The following STK32A variants were observed in gnomAD, a reference collection of about 807,000 sequenced individuals.
STK32A encodes serine/threonine-protein kinase 32A.
In STK32A, 41 loss-of-function variants were observed where a neutral mutation model predicts 53.2. That is an observed-to-expected ratio of 0.77 (90% CI 0.60 to 1.00). STK32A has a LOEUF of 1.00. Ranked by LOEUF, STK32A falls within the 50% of genes least tolerant of loss-of-function variation. The probability of loss-of-function intolerance (pLI) is 0.00; values close to 1 mark genes in which losing one functional copy is unlikely to be tolerated. For missense variants in STK32A, 458 were observed against 485.8 expected (o/e 0.94, Z 0.54); for synonymous variants, 166 against 162.8 (o/e 1.02, Z -0.15).
At chr5:147,306,269 A>T (rs1753403285) in intron 4 of STK32A, among the ~76,000 whole-genome samples, 1 of 151,378 alleles carries the variant, frequency 6.6e-6, no homozygotes, top group Non-Finnish European at 1.5e-5. Context: ...TGCTTGTTTG[A>T]CTCTTTTAAC....
intron 2 of STK32A, among the ~76,000 whole-genome samples, chr5:147,266,900 G>A (rs1040192394): frequency 2.0e-5 from 3 of 152,158 alleles, no homozygotes; most frequent in African/African-American, 4.8e-5. Context: ...GTGCGTGTCT[G>A]TAATCCCAGC....
chr5:147,271,911 A>T (rs1385564833), intron 2 of STK32A, among the ~76,000 whole-genome samples: 1 of 151,914 alleles, frequency 6.6e-6, no homozygotes, highest in Non-Finnish European at 1.5e-5. Flanking sequence ...TTGCCTTGTG[A>T]TTCTATTACT....
chr5:147,239,647 A>C lies in STK32A; in HGVS notation c.13A>C (p.Thr5Pro). 6.2e-7 allele frequency: 1 copy of C among 1,608,800 alleles called. No individual in the cohort carries two copies. The highest frequency in any genetic ancestry group is 1.1e-5 in the South Asian group (1 of 89,486). The change falls in exon 2 of 13, where the codon ACT becomes CCT. Residue 5 changes from threonine to proline, a missense_variant. By Grantham distance (38) the Thr-to-Pro change is conservative. Transcript: ENST00000397936. The stretch of plus-strand genomic sequence containing the variant: ...GGCAGATTCAACCATGGGAGCGAAC[A>C]CTTCAAGAAAACCACCAGTGTTTGA... MGAN[T>P]SRKPPVFDEN...
chr5:147,241,503 C>A (rs1447813828), intron 2 of STK32A, among the ~76,000 whole-genome samples: 5 of 151,254 alleles, frequency 3.3e-5, no homozygotes, highest in Admixed American at 3.3e-4. Flanking sequence ...AACAAACAAA[C>A]AAAAAAACCC....
chr5:147,384,693 G>C lies in STK32A; in HGVS notation c.*710G>C, dbSNP rs1455040645. The C allele has an allele frequency of 1.3e-5, 5 of 388,642 alleles. No individual in the cohort carries two copies. Among genetic ancestry groups the C allele is most frequent in the African/African-American group, 4.1e-5 (2 of 48,386 alleles). 24.1% of individuals were successfully genotyped at this position (388,642 alleles called of 1,614,324 possible). ...ATTTACACCACGGAAACTGGTAAAT[G>C]CTCGTTTTTTCCCTCCTAACAAGTG... On this transcript the variant is annotated 3_prime_UTR_variant, in exon 13 of 13. Coordinates refer to ENST00000397936, the MANE Select transcript of STK32A (RefSeq NM_001112724.2).
chr5:147,359,944 C>T (rs1756418692), intron 7 of STK32A, among the ~76,000 whole-genome samples: 1 of 152,128 alleles, frequency 6.6e-6, no homozygotes, highest in South Asian at 2.1e-4. Flanking sequence ...CCTGTGTGTG[C>T]AGGACCCATG....
At chr5:147,354,135 T>C (rs1756115573) in intron 7 of STK32A, among the ~76,000 whole-genome samples, 1 of 152,204 alleles carries the variant, frequency 6.6e-6, no homozygotes, top group Admixed American at 6.5e-5. Context: ...GCAAATTTCA[T>C]GGCTTTCAAT....
chr5:147,241,832 G>A (rs1753595115), intron 2 of STK32A, among the ~76,000 whole-genome samples: 1 of 152,132 alleles, frequency 6.6e-6, no homozygotes, highest in Non-Finnish European at 1.5e-5. Context: ...ACATGAGGCT[G>A]GTCGTCAGAG....
At chr5:147,262,893 A>C (rs535873864) in intron 2 of STK32A, among the ~76,000 whole-genome samples, 1 of 152,198 alleles carries the variant, frequency 6.6e-6, no homozygotes, top group East Asian at 1.9e-4. Flanking sequence ...TGGCACTGTC[A>C]CGTGCCTCTA....
At chr5:147,372,267 G>T (rs1169653919) in intron 9 of STK32A, among the ~76,000 whole-genome samples, 1 of 114,990 alleles carries the variant, frequency 8.7e-6, no homozygotes. Flanking sequence ...AATGGGCTTG[G>T]CCTTTTTTTT....
intron 2 of STK32A, among the ~76,000 whole-genome samples, chr5:147,247,667 C>G (rs933381941): frequency 6.6e-6 from 1 of 152,214 alleles, no homozygotes; most frequent in African/African-American, 2.4e-5. Context: ...CTACTCAACT[C>G]TGCCACTGTA....
At chr5:147,380,644 G>A (rs560718354) in intron 11 of STK32A, among the ~76,000 whole-genome samples, 1 of 152,310 alleles carries the variant, frequency 6.6e-6, no homozygotes, top group South Asian at 2.1e-4. Context: ...TGATGAAAAA[G>A]TCATCAATAG....
chr5:147,316,861 A>G (rs1445102235), intron 4 of STK32A, among the ~76,000 whole-genome samples: 16 of 38,826 alleles, frequency 4.1e-4, no homozygotes, highest in African/African-American at 1.2e-3. Flanking sequence ...TTTCTGGCGA[A>G]AAAAAAAAAA....
intron 11 of STK32A, among the ~76,000 whole-genome samples, chr5:147,380,211 G>A (rs1233892580): frequency 6.6e-6 from 1 of 152,202 alleles, no homozygotes; most frequent in South Asian, 2.1e-4. Context: ...TGGGGTAAAA[G>A]TGTTGCTCCA....
chr5:147,320,789 A>C (rs760166125), intron 4 of STK32A, among the ~76,000 whole-genome samples: 4 of 149,952 alleles, frequency 2.7e-5, no homozygotes, highest in African/African-American at 7.6e-5. Context: ...TCGTATCACA[A>C]GCTTCTAAGG....
Position 147,379,531 on chromosome 5 carries a change from A to G in STK32A, c.1033-3910A>G, listed in dbSNP as rs535238208. Among the ~76,000 whole-genome samples, 12 of 152,084 alleles carry G rather than the reference A, an allele frequency of 7.9e-5. No homozygotes were observed. The South Asian group carries it at 8.3e-4, about 11-fold the overall frequency. ...TAGCTGTTGTGATGCTTTACTTTCC[A>G]TTGCACTTCCTGACTCCTAGCCTTT... On this transcript the variant is annotated intron_variant, in intron 11 of 12. Transcript: ENST00000397936.
chr5:147,368,083 A>G (rs1362528970), intron 8 of STK32A, among the ~76,000 whole-genome samples: 1 of 152,246 alleles, frequency 6.6e-6, no homozygotes, highest in African/African-American at 2.4e-5. Context: ...GTCTTAATGA[A>G]TGTGTCCCTT....
chr5:147,342,918 G>C, intron 5 of STK32A, 88 bp from the exon 6 acceptor site: 3 of 1,186,882 alleles, frequency 2.5e-6, no homozygotes, highest in Non-Finnish European at 3.7e-6. Flanking sequence ...TTCAACTCCA[G>C]TTAGCTTTCT....
At chr5:147,239,924 G>C (rs1270445265) in intron 2 of STK32A, 1 of 477,134 alleles carries the variant, frequency 2.1e-6, no homozygotes, top group East Asian at 3.5e-5. Context: ...TTGTCCAAAG[G>C]GAGCTGCAGT....
Sources: gnomAD v4.1 joint callset for allele counts (sites outside exome capture counted in the v4.1 genomes callset) on GRCh38, gnomAD v4.1.1 for gene constraint, MANE v1.5 for transcripts, NCBI Gene and HGNC (gene_info 2026-07-23, HGNC 2026-07-21) for gene names.